Variants in PCSK2 observed in about 807,000 individuals in gnomAD.
PCSK2 encodes proprotein convertase subtilisin/kexin type 2.
PCSK2 carries 14 observed loss-of-function variants against 69.7 expected under a neutral mutation model. That is an observed-to-expected ratio of 0.20 (90% CI 0.13 to 0.31). PCSK2 has a LOEUF of 0.31. PCSK2 is among the 10% of genes least tolerant of loss of function. The probability of loss-of-function intolerance (pLI) is 1.00; values close to 1 mark genes in which losing one functional copy is unlikely to be tolerated. For synonymous variants in PCSK2, 307 were observed against 320.7 expected (o/e 0.96, Z 0.46); for missense variants, 544 against 842.5 (o/e 0.65, Z 4.39).
chr20:17,230,555 G>A (rs1310838485), intron 1 of PCSK2, among the ~76,000 whole-genome samples: 1 of 152,148 alleles, frequency 6.6e-6, no homozygotes, highest in African/African-American at 2.4e-5. Context: ...CTCTTCCCTT[G>A]AGACACAATT....
intron 4 of PCSK2, among the ~76,000 whole-genome samples, chr20:17,367,735 C>A (rs1405728778): frequency 6.6e-6 from 1 of 152,164 alleles, no homozygotes; most frequent in Non-Finnish European, 1.5e-5. Flanking sequence ...TGGCCTCAAG[C>A]AATCCTCCTG....
intron 5 of PCSK2, among the ~76,000 whole-genome samples, chr20:17,370,874 T>G (rs2030738682): frequency 6.6e-6 from 1 of 152,188 alleles, no homozygotes; most frequent in Non-Finnish European, 1.5e-5. Flanking sequence ...TCTCCAAGGC[T>G]CTGATGTATC....
At chr20:17,272,545 A>C (rs1987909768) in intron 2 of PCSK2, among the ~76,000 whole-genome samples, 1 of 152,056 alleles carries the variant, frequency 6.6e-6, no homozygotes, top group Non-Finnish European at 1.5e-5. Flanking sequence ...ATTTTATTAG[A>C]TTTGGATTCA....
chr20:17,278,486 C>T (rs530747478), intron 2 of PCSK2, among the ~76,000 whole-genome samples: 41 of 152,124 alleles, frequency 2.7e-4, no homozygotes, highest in Admixed American at 6.5e-4. Flanking sequence ...AACCAAACAC[C>T]GCATGTTCTC....
At chr20:17,389,545 G>A (rs917013939) in intron 5 of PCSK2, among the ~76,000 whole-genome samples, 1 of 152,146 alleles carries the variant, frequency 6.6e-6, no homozygotes, top group Non-Finnish European at 1.5e-5. Context: ...AGATGCTCAG[G>A]CCTGAACACT....
At chr20:17,397,532 T>G (rs2031537480) in intron 5 of PCSK2, among the ~76,000 whole-genome samples, 1 of 151,618 alleles carries the variant, frequency 6.6e-6, no homozygotes, top group African/African-American at 2.4e-5. Flanking sequence ...CAGGCTGGAG[T>G]GCAGTGGCAT....
chr20:17,275,832 T>C (rs1173308167), intron 2 of PCSK2, among the ~76,000 whole-genome samples: 2 of 152,146 alleles, frequency 1.3e-5, no homozygotes, highest in Non-Finnish European at 2.9e-5. Flanking sequence ...TGTAAACTTG[T>C]GGCCAAGATT....
intron 6 of PCSK2, among the ~76,000 whole-genome samples, chr20:17,415,212 C>T (rs201201103): frequency 1.1e-4 from 16 of 151,916 alleles, no homozygotes; most frequent in South Asian, 8.3e-4. Flanking sequence ...AAAGAAATAA[C>T]GGTATTCAAA....
chr20:17,406,190 C>T (rs953225155), intron 5 of PCSK2, among the ~76,000 whole-genome samples: 1 of 152,152 alleles, frequency 6.6e-6, no homozygotes, highest in African/African-American at 2.4e-5. Flanking sequence ...TAACTTATTC[C>T]TGTACACAAA....
intron 5 of PCSK2, among the ~76,000 whole-genome samples, chr20:17,389,448 A>G (rs1194359826): frequency 6.6e-6 from 1 of 152,054 alleles, no homozygotes; most frequent in Non-Finnish European, 1.5e-5. Context: ...GTGGAGAGAG[A>G]AAGGGAGATC....
chr20:17,432,472 T>G (rs2032387634), intron 7 of PCSK2, among the ~76,000 whole-genome samples: 1 of 152,246 alleles, frequency 6.6e-6, no homozygotes, highest in Non-Finnish European at 1.5e-5. Flanking sequence ...GATTTAATTG[T>G]ATAAATTTTG....
chr20:17,275,551 G>A (rs1988036056), intron 2 of PCSK2, among the ~76,000 whole-genome samples: 1 of 152,182 alleles, frequency 6.6e-6, no homozygotes, highest in Non-Finnish European at 1.5e-5. Context: ...TCAGGCTAGA[G>A]TCTTAAGTTT....
chr20:17,284,977 T>C (rs1988462720), intron 2 of PCSK2, among the ~76,000 whole-genome samples: 1 of 152,212 alleles, frequency 6.6e-6, no homozygotes, highest in Non-Finnish European at 1.5e-5. Context: ...GAAAACACCT[T>C]AAGCAATTCT....
intron 10 of PCSK2, among the ~76,000 whole-genome samples, chr20:17,457,795 A>G (rs1423610872): frequency 6.6e-6 from 1 of 152,212 alleles, no homozygotes; most frequent in Non-Finnish European, 1.5e-5. Context: ...AGAGCCAGGG[A>G]ACAGGAGTGC....
intron 11 of PCSK2, among the ~76,000 whole-genome samples, chr20:17,475,705 A>G (rs182735611): frequency 6.6e-6 from 1 of 152,328 alleles, no homozygotes; most frequent in Non-Finnish European, 1.5e-5. Flanking sequence ...TCCTGGGTGC[A>G]AATTGGGACA....
Position 17,358,323 on chromosome 20 carries a change from C to T in PCSK2, c.283-4C>T. On this transcript the variant is annotated splice_polypyrimidine_tract_variant and splice_region_variant and intron_variant, in intron 2 of 11. Transcript: ENST00000262545. ...CAGGTAATATGTCAGCATTGTCATT[C>T]CAGGTAAAGATGGCTTTGCAGCAGG... The T allele has an allele frequency of 6.5e-7, 1 of 1,542,096 alleles. No homozygotes were observed. The highest frequency in any genetic ancestry group is 9.0e-7 in the Non-Finnish European group (1 of 1,114,466).
chr20:17,335,191 A>AC (rs1268735143), intron 2 of PCSK2, among the ~76,000 whole-genome samples: 10 of 74,156 alleles, frequency 1.3e-4, no homozygotes, highest in African/African-American at 3.3e-4. Context: ...GGCAGCGGAG[A>AC]TTGGGGGGGT....
intron 2 of PCSK2, among the ~76,000 whole-genome samples, chr20:17,326,914 T>C (rs1990071948): frequency 6.6e-6 from 1 of 152,218 alleles, no homozygotes; most frequent in South Asian, 2.1e-4. Flanking sequence ...TGGGGCTGCC[T>C]GCCCTCAGTC....
intron 8 of PCSK2, among the ~76,000 whole-genome samples, chr20:17,441,196 G>T (rs1320438355): frequency 6.6e-6 from 1 of 152,178 alleles, no homozygotes; most frequent in African/African-American, 2.4e-5. Flanking sequence ...GCTGCCACCT[G>T]CCCTTGATGC....
Sources: gnomAD v4.1 joint callset for allele counts (sites outside exome capture counted in the v4.1 genomes callset) on GRCh38, gnomAD v4.1.1 for gene constraint, MANE v1.5 for transcripts, NCBI Gene and HGNC (gene_info 2026-07-23, HGNC 2026-07-21) for gene names.